The following CATSPERB variants were observed in gnomAD, a reference collection of about 807,000 sequenced individuals.
CATSPERB encodes catsper channel auxiliary subunit beta.
CATSPERB carries 93 observed loss-of-function variants against 128.3 expected under a neutral mutation model. That is an observed-to-expected ratio of 0.72 (90% CI 0.61 to 0.86). The LOEUF is 0.86. CATSPERB is among the 40% of genes least tolerant of loss of function. The pLI is 0.00. For synonymous variants in CATSPERB, 381 were observed against 448.8 expected (o/e 0.85, Z 1.91); for missense variants, 1,153 against 1,329.5 (o/e 0.87, Z 2.06).
chr14:91,699,746 G>C (rs936944581), intron 7 of CATSPERB, among the ~76,000 whole-genome samples: 2 of 151,642 alleles, frequency 1.3e-5, no homozygotes, highest in South Asian at 4.2e-4. Flanking sequence ...ACTAATTTTT[G>C]TATTTTAGTA....
At chr14:91,621,474 T>C in intron 19 of CATSPERB, 134 bp downstream of exon 19, 2 of 645,612 alleles carry the variant, frequency 3.1e-6, no homozygotes, top group Middle Eastern at 4.2e-4. Context: ...AATTAGGCAC[T>C]AATACTGTTA....
At chr14:91,669,283 C>T (rs936691958) in intron 14 of CATSPERB, among the ~76,000 whole-genome samples, 8 of 151,492 alleles carry the variant, frequency 5.3e-5, no homozygotes, top group African/African-American at 1.9e-4. Flanking sequence ...GTTTCATAAT[C>T]TGTGGCCCTT....
intron 6 of CATSPERB, 135 bp downstream of exon 6, chr14:91,708,006 G>A (rs926691520): frequency 7.6e-6 from 5 of 661,352 alleles, no homozygotes; most frequent in Non-Finnish European, 1.3e-5. Context: ...GTGCCTCAAG[G>A]GTCATGATTA....
intron 15 of CATSPERB, among the ~76,000 whole-genome samples, chr14:91,650,290 TCAAA>T (rs1302839217): frequency 7.3e-6 from 1 of 136,788 alleles, no homozygotes; most frequent in Non-Finnish European, 1.6e-5. Context: ...TAAAATGCTT[TCAAA>T]CAAAGTTATT....
chr14:91,659,614 A>C (rs1894840596), intron 15 of CATSPERB, among the ~76,000 whole-genome samples: 2 of 152,238 alleles, frequency 1.3e-5, no homozygotes, highest in African/African-American at 4.8e-5. Flanking sequence ...CTTTTGGGAC[A>C]GTAAAATATC....
At chr14:91,625,561 G>C (rs140173051) in intron 17 of CATSPERB, among the ~76,000 whole-genome samples, 277 of 152,300 alleles carry the variant, frequency 1.8e-3, no homozygotes, top group African/African-American at 6.5e-3. Flanking sequence ...GTTTTTAACA[G>C]TGTAGGGAAA....
At position 91,596,263 on chromosome 14, in the gene CATSPERB, G is replaced by A. The variant is rs550796233; in HGVS notation, c.2710-4261C>T. Among the ~76,000 whole-genome samples, 183 of 152,032 alleles carry A rather than the reference G, an allele frequency of 1.2e-3. 1 individual carries two copies. Among genetic ancestry groups the A allele is most frequent in the African/African-American group, 4.3e-3 (179 of 41,432 alleles). On this transcript the variant is annotated intron_variant, in intron 22 of 26. Transcript: ENST00000256343. ...CTGTCACCCAGGCTGGAGTGCAGTG[G>A]CACAATCTCGGCTCACTACAAGCTC...
At chr14:91,675,259 A>G (rs189114840) in intron 11 of CATSPERB, among the ~76,000 whole-genome samples, 67 of 152,272 alleles carry the variant, frequency 4.4e-4, no homozygotes, top group African/African-American at 1.5e-3. Flanking sequence ...TGGCTAGCTG[A>G]CCCTGCAGCT....
Position 91,719,328 on chromosome 14 carries a change from A to G in CATSPERB, c.370+90T>C, listed in dbSNP as rs1390786577. The stretch of plus-strand genomic sequence containing the variant: ...CATGGGGGATTTACATGACATAACA[A>G]ATCACTTTTAAGATAATAAATTCTT... On this transcript the variant is annotated intron_variant, in intron 5 of 26. Transcript: ENST00000256343. The G allele has an allele frequency of 7.7e-6, 7 of 910,360 alleles. No homozygotes were observed. The East Asian group carries it at 1.1e-4, about 15-fold the overall frequency. 56.4% of individuals were successfully genotyped at this position (910,360 alleles called of 1,614,324 possible). A position where few individuals can be genotyped will look rare whatever the true frequency, so the allele number is the denominator to read the frequency against.
chr14:91,628,600 T>A (rs1191569730), intron 17 of CATSPERB, among the ~76,000 whole-genome samples: 1 of 152,136 alleles, frequency 6.6e-6, no homozygotes, highest in Admixed American at 6.6e-5. Flanking sequence ...CTGATGGTTT[T>A]AAAAATGGCA....
At chr14:91,710,379 G>A (rs1469325800) in intron 5 of CATSPERB, 1 of 152,130 alleles carries the variant, frequency 6.6e-6, no homozygotes, top group Admixed American at 6.5e-5. Flanking sequence ...GCTGGATTCA[G>A]TTAAAATTCA....
At chr14:91,717,411 G>C (rs571698656) in intron 5 of CATSPERB, among the ~76,000 whole-genome samples, 2 of 152,272 alleles carry the variant, frequency 1.3e-5, no homozygotes, top group South Asian at 4.1e-4. Context: ...GTAAATCAAG[G>C]AGGGGCTGTT....
At chr14:91,636,760 T>C (rs1894383588) in intron 16 of CATSPERB, among the ~76,000 whole-genome samples, 181 bp from the exon 17 acceptor site, 1 of 152,200 alleles carries the variant, frequency 6.6e-6, no homozygotes. Flanking sequence ...AAGATGTATT[T>C]TCCTGTTAAG....
At chr14:91,704,486 A>T in intron 7 of CATSPERB, 66 bp downstream of exon 7, 1 of 1,491,034 alleles carries the variant, frequency 6.7e-7, no homozygotes, top group Non-Finnish European at 9.0e-7. Flanking sequence ...TTCTGCTGCC[A>T]GTTAAACATT....
At position 91,611,531 on chromosome 14, in the gene CATSPERB, G is replaced by A. The variant is rs181639373; in HGVS notation, c.2401-854C>T. ...AGGCTGAGGCAGGAGAATTGCTTGA[G>A]CCCGGGAGGTGAAGGTTGCAGTGAG... On this transcript the variant is annotated intron_variant, in intron 20 of 26. Transcript: ENST00000256343. Among the ~76,000 whole-genome samples, 54 of 152,194 alleles carry A rather than the reference G, an allele frequency of 3.5e-4. No homozygotes were observed. The East Asian group carries it at 3.9e-3, about 11-fold the overall frequency.
intron 11 of CATSPERB, among the ~76,000 whole-genome samples, chr14:91,680,688 C>G (rs1221614959): frequency 6.6e-6 from 1 of 151,748 alleles, no homozygotes; most frequent in Non-Finnish European, 1.5e-5. Flanking sequence ...GGTAGTCATA[C>G]CACCCCAGCA....
At chr14:91,673,546 T>G (rs1755012498) in intron 12 of CATSPERB, among the ~76,000 whole-genome samples, 1 of 152,126 alleles carries the variant, frequency 6.6e-6, no homozygotes, top group Non-Finnish European at 1.5e-5. Context: ...GAAAATAAAT[T>G]AACAACCATA....
At chr14:91,689,252 C>T (rs867531712) in intron 10 of CATSPERB, among the ~76,000 whole-genome samples, 12 of 152,234 alleles carry the variant, frequency 7.9e-5, no homozygotes, top group South Asian at 2.1e-4. Context: ...GCCAGCCAAA[C>T]TCCCTCCAGA....
At chr14:91,698,325 G>A (rs1405221625) in intron 7 of CATSPERB, among the ~76,000 whole-genome samples, 2 of 152,190 alleles carry the variant, frequency 1.3e-5, no homozygotes, top group Non-Finnish European at 2.9e-5. Context: ...TGTCGGCAAA[G>A]AGAGAGAGTT....
Sources: gnomAD v4.1 joint callset for allele counts (sites outside exome capture counted in the v4.1 genomes callset) on GRCh38, gnomAD v4.1.1 for gene constraint, MANE v1.5 for transcripts, NCBI Gene and HGNC (gene_info 2026-07-23, HGNC 2026-07-21) for gene names.